The following GRID2IP variants were observed in gnomAD, a reference collection of about 807,000 sequenced individuals.
GRID2IP encodes Grid2 interacting protein, also known as delphilin.
Under a neutral mutation model 114.3 loss-of-function variants are expected in GRID2IP, and 78 were observed. The observed-to-expected ratio is 0.68, with a 90% confidence interval of 0.57 to 0.82. GRID2IP has a LOEUF of 0.82. Among genes scored for constraint, GRID2IP ranks in the 40% least tolerant of loss-of-function variants. GRID2IP has a pLI of 0.00. For synonymous variants in GRID2IP, 809 were observed against 724.0 expected (o/e 1.12, Z -1.89); for missense variants, 1,727 against 1,678.5 (o/e 1.03, Z -0.51).
rs117431857 is a variant in GRID2IP at position 6,514,414 on chromosome 7, C to G, written c.1384G>C (p.Glu462Gln). Residue 462 changes from glutamate (E) to glutamine (Q), a missense_variant, in exon 8 of 22, where the codon GAG becomes CAG. By Grantham distance (29) the Glu-to-Gln change is conservative. Coordinates refer to ENST00000457091, the MANE Select transcript of GRID2IP (RefSeq NM_001145118.2). Reference sequence around the variant, plus strand: ...TAGCCCAGGAAGCATGCGATTTTCTCCTGACAGAGCTCCTGCTCCTCATAG... The same window carrying G: ...TAGCCCAGGAAGCATGCGATTTTCTGCTGACAGAGCTCCTGCTCCTCATAG... ...LTYEEQELCQ[E>Q]KIACFLGYTA... 6 of 1,546,244 alleles carry G rather than the reference C, an allele frequency of 3.9e-6. No homozygotes were observed. In the East Asian group the frequency reaches 1.5e-4, roughly 38 times the overall value.
At chr7:6,547,089 C>T (rs1779899654) in intron 1 of GRID2IP, among the ~76,000 whole-genome samples, 1 of 152,180 alleles carries the variant, frequency 6.6e-6, no homozygotes, top group African/African-American at 2.4e-5. Flanking sequence ...TCCAAGCTCT[C>T]TTCCTCTTCC....
intron 2 of GRID2IP, among the ~76,000 whole-genome samples, chr7:6,538,891 AAGAAAGAG>A (rs1324486520): frequency 6.6e-6 from 1 of 151,942 alleles, no homozygotes; most frequent in Non-Finnish European, 1.5e-5. Flanking sequence ...AGGAAGATGA[AAGAAAGAG>A]AGAAAGAGAG....
rs1301190962 is a variant in GRID2IP at position 6,551,247 on chromosome 7, G to T, written c.190C>A (p.Arg64Ser). The T allele has an allele frequency of 2.6e-6, 4 of 1,532,210 alleles. No homozygotes were observed. Among genetic ancestry groups the T allele is most frequent in the Non-Finnish European group, 3.5e-6 (4 of 1,144,632 alleles). The allele number at this position is 1,532,210 out of a possible 1,614,324, so 94.9% of individuals were successfully genotyped here. A position where few individuals can be genotyped will look rare whatever the true frequency, so the allele number is the denominator to read the frequency against. The change falls in exon 1 of 22, where the codon CGC becomes AGC. Residue 64 changes from arginine to serine, a missense_variant. Physicochemically the swap from Arg to Ser is moderately radical, Grantham distance 110. Transcript: ENST00000457091. ...GLAVGGLSRE[R>S]LVRLARRCPR... Reference sequence around the variant, plus strand: ...CAGCGCCGTGCCAGGCGCACGAGGCGCTCGCGGCTCAGACCGCCCACCGCC... The same window carrying T: ...CAGCGCCGTGCCAGGCGCACGAGGCTCTCGCGGCTCAGACCGCCCACCGCC...
chr7:6,524,910 G>A (rs556990080), intron 4 of GRID2IP, among the ~76,000 whole-genome samples: 25 of 151,512 alleles, frequency 1.7e-4, no homozygotes, highest in African/African-American at 5.8e-4. Context: ...TAGTAGAGAC[G>A]GGTTTCACCA....
At position 6,520,670 on chromosome 7, in the gene GRID2IP, T is replaced by C; in HGVS notation, c.1176A>G (p.Gln392=). The change falls in exon 7 of 22, where the codon CAA becomes CAG. Residue 392 remains glutamine, a synonymous_variant. Transcript: ENST00000457091. This position sits in a 1 kb window ranked among gnomAD's most constrained non-coding sequence, Gnocchi z 4.6. ...CCAGCTGCTGGCTGAAGGTCCTCCC[T>C]TGGACCCGGATGCTGGACGGCAGGA... ...AEILPSSIRV[Q]GRTFSQQLEH... is the part of the protein sequence containing the mutation. The C allele has an allele frequency of 6.4e-7, 1 of 1,551,692 alleles. No individual in the cohort carries two copies. The highest frequency in any genetic ancestry group is 8.7e-7 in the Non-Finnish European group (1 of 1,146,988).
chr7:6,544,095 C>A (rs1490198000), intron 1 of GRID2IP, among the ~76,000 whole-genome samples: 1 of 151,988 alleles, frequency 6.6e-6, no homozygotes, highest in Non-Finnish European at 1.5e-5. Flanking sequence ...TCGTGCCTGG[C>A]CTGTCATGAT....
rs983626288 is a variant in GRID2IP at position 6,547,696 on chromosome 7, G to A, written c.429+3312C>T. Among the ~76,000 whole-genome samples, 8 of 152,176 alleles carry A rather than the reference G, an allele frequency of 5.3e-5. No individual in the cohort carries two copies. In the East Asian group the frequency reaches 1.5e-3, roughly 29 times the overall value. On this transcript the variant is annotated intron_variant, in intron 1 of 21. Transcript: ENST00000457091. ...GAGTCCTGTGTGTATGCGAGTGTGT[G>A]TATCTGGCCACAGAGGCTGGTCTAC...
chr7:6,546,142 C>T (rs752157122), intron 1 of GRID2IP, among the ~76,000 whole-genome samples: 3 of 151,614 alleles, frequency 2.0e-5, no homozygotes, highest in South Asian at 2.1e-4. Context: ...AAAGCGCAGG[C>T]GAGAACTGGA....
At position 6,526,607 on chromosome 7, in the gene GRID2IP, G is replaced by T; in HGVS notation, c.747C>A (p.Ser249Arg). Residue 249 changes from serine (S) to arginine (R), a missense_variant, in exon 3 of 22, where the codon AGC becomes AGA. Physicochemically the swap from Ser to Arg is moderately radical, Grantham distance 110. Coordinates refer to ENST00000457091, the MANE Select transcript of GRID2IP (RefSeq NM_001145118.2). The surrounding 1 kb of genome is among the most constrained non-coding windows in gnomAD (Gnocchi z 7.6). ...GCTCATCGGGGCGGCGCGGCGGGGC[G>T]CTGGCGCGCGTGGACACCAGGAGGC... Reference protein sequence around the residue: ...PERLLVSTRASAPPRRPDEPP... With the variant: ...PERLLVSTRARAPPRRPDEPP... 8.3e-7 allele frequency: 1 copy of T among 1,199,408 alleles called. No individual in the cohort carries two copies. Among genetic ancestry groups the T allele is most frequent in the Non-Finnish European group, 1.0e-6 (1 of 967,646 alleles). 74.3% of individuals were successfully genotyped at this position (1,199,408 alleles called of 1,614,324 possible). A position where few individuals can be genotyped will look rare whatever the true frequency, so the allele number is the denominator to read the frequency against.
rs1397094671 is a variant in GRID2IP, at chr7:6,534,743, T to C, written c.584+4975A>G. ...TTTTTTTTGGAACAGAGTCTGGCTCTGTCACCCAGGCTGGAGGCTGGAGTG... is the reference window on the plus strand; with the variant it reads ...TTTTTTTTGGAACAGAGTCTGGCTCCGTCACCCAGGCTGGAGGCTGGAGTG... On this transcript the variant is annotated intron_variant, in intron 2 of 21. Transcript: ENST00000457091. This position sits in a 1 kb window ranked among gnomAD's most constrained non-coding sequence, Gnocchi z 4.5. Among the ~76,000 whole-genome samples, 2 of 152,142 alleles carry C rather than the reference T, an allele frequency of 1.3e-5. No homozygotes were observed. Among genetic ancestry groups the C allele is most frequent in the Admixed American group, 1.3e-4 (2 of 15,266 alleles).
rs1361971715 is a variant in GRID2IP at position 6,526,079 on chromosome 7, C to T, written c.919+145G>A. On this transcript the variant is annotated intron_variant, in intron 4 of 21. Coordinates refer to ENST00000457091, the MANE Select transcript of GRID2IP (RefSeq NM_001145118.2). This position sits in a 1 kb window ranked among gnomAD's most constrained non-coding sequence, Gnocchi z 7.6. Reference sequence around the variant, plus strand: ...CTGGCTCTGGGACACTCTGGGGACACGGTCTACACAAGGATGGTACCTGAC... The same window carrying T: ...CTGGCTCTGGGACACTCTGGGGACATGGTCTACACAAGGATGGTACCTGAC... 9.3e-6 allele frequency: 6 copies of T among 646,682 alleles called. No homozygotes were observed. The highest frequency in any genetic ancestry group is 1.7e-5 in the Non-Finnish European group (6 of 360,834). 40.1% of individuals were successfully genotyped at this position (646,682 alleles called of 1,614,324 possible).
In GRID2IP at chr7:6,497,820, C is replaced by T. The variant is rs1440239924; in HGVS notation, c.3590G>A (p.Gly1197Glu). 1.3e-6 allele frequency: 2 copies of T among 1,550,286 alleles called. No homozygotes were observed. The highest frequency in any genetic ancestry group is 1.7e-6 in the Non-Finnish European group (2 of 1,146,788). ...FERALSDLQA[G>E]EGLRSSGMVS... ...CATCCCGGAGCTGCGCAGGCCCTCC[C>T]CGGCCTGCAGGTCACTCAGCGCTCG... Residue 1197 changes from glycine (G) to glutamate (E), a missense_variant, in exon 22 of 22, where the codon GGG (glycine) becomes GAG (glutamate). Coordinates refer to ENST00000457091, the MANE Select transcript of GRID2IP (RefSeq NM_001145118.2).
Position 6,531,190 on chromosome 7 carries a change from C to G in GRID2IP, c.585-4421G>C, listed in dbSNP as rs943186905. On this transcript the variant is annotated intron_variant, in intron 2 of 21. Transcript: ENST00000457091. ...GGAGCGAGCGCGCCGCGACTCCACG[C>G]ACCTCTGCCCTGCGAGCGCGCGCGG... The G allele has an allele frequency of 3.5e-5, 16 of 461,124 alleles. No individual in the cohort carries two copies. In the Admixed American group the frequency reaches 4.8e-4, roughly 14 times the overall value. 28.6% of individuals were successfully genotyped at this position (461,124 alleles called of 1,614,324 possible).
chr7:6,503,098 C>T lies in GRID2IP; in HGVS notation c.2973G>A (p.Glu991=). The T allele has an allele frequency of 6.4e-7, 1 of 1,551,072 alleles. No individual in the cohort carries two copies. The highest frequency in any genetic ancestry group is 8.7e-7 in the Non-Finnish European group (1 of 1,146,742). Residue 991 remains glutamate, a synonymous_variant, in exon 17 of 22, where the codon GAG becomes GAA. Transcript: ENST00000457091. ...RSLHFQATLQ[E]KTEEIRGSLE... is the part of the protein sequence containing the mutation. ...GGCTGCCTCGGATCTCCTCTGTCTT[C>T]TCCTGGAGGGTGGCCTGGAAGTGGA...
intron 1 of GRID2IP, among the ~76,000 whole-genome samples, chr7:6,550,151 C>T (rs1779952322): frequency 6.6e-6 from 1 of 151,638 alleles, no homozygotes; most frequent in Admixed American, 6.6e-5. Context: ...ACCACCATGC[C>T]AAGCTAGTTT....
At chr7:6,537,405 T>A (rs1315469796) in intron 2 of GRID2IP, among the ~76,000 whole-genome samples, 1 of 117,040 alleles carries the variant, frequency 8.5e-6, no homozygotes, top group Middle Eastern at 5.6e-3. Context: ...TGAGACAGAG[T>A]CTTGCTCTGT....
chr7:6,530,204 C>T (rs1476356133), intron 2 of GRID2IP, among the ~76,000 whole-genome samples: 2 of 152,006 alleles, frequency 1.3e-5, no homozygotes, highest in African/African-American at 4.8e-5. Context: ...ATGATCCGCC[C>T]GCCTCGGCCT....
At position 6,520,354 on chromosome 7, in the gene GRID2IP, A is replaced by T. The variant is rs1258692888; in HGVS notation, c.1268+224T>A. 1.3e-5 allele frequency among the ~76,000 whole-genome samples: 2 copies of T among 151,978 alleles called. No individual in the cohort carries two copies. Among genetic ancestry groups the T allele is most frequent in the African/African-American group, 4.8e-5 (2 of 41,372 alleles). ...GCCTCACTTCACAGAGAAGGCTGAG[A>T]CTCGCCCAAGGTCACGTGACTAGGA... is the stretch of plus-strand genomic sequence containing the variant. On this transcript the variant is annotated intron_variant, in intron 7 of 21. Transcript: ENST00000457091. The surrounding 1 kb of genome is among the most constrained non-coding windows in gnomAD (Gnocchi z 4.6).
Position 6,503,510 on chromosome 7 carries a change from G to C in GRID2IP, c.2888C>G (p.Pro963Arg), listed in dbSNP as rs375286001. 2.6e-6 allele frequency: 4 copies of C among 1,525,754 alleles called. No individual in the cohort carries two copies. Among genetic ancestry groups the C allele is most frequent in the Non-Finnish European group, 3.5e-6 (4 of 1,143,148 alleles). 94.5% of individuals were successfully genotyped at this position (1,525,754 alleles called of 1,614,324 possible). The change falls in exon 16 of 22, where the codon CCG becomes CGG. Residue 963 changes from proline (P) to arginine (R), a missense_variant. Transcript: ENST00000457091. ...CGGCACCTGCAGGACGAACTGGTCC[G>C]GCTCGCTGAGGCGGCCGGGCGCCTC... is the stretch of plus-strand genomic sequence containing the variant. ...FREAPGRLSE[P>R]DQFVLQMLSV... is the part of the protein sequence containing the mutation.
Sources: allele counts gnomAD v4.1 joint callset (sites outside exome capture counted in the v4.1 genomes callset), GRCh38; gene constraint gnomAD v4.1.1; non-coding constraint Gnocchi (gnomAD v3.1); transcripts MANE v1.5; gene names NCBI Gene and HGNC (gene_info 2026-07-23, HGNC 2026-07-21).